Variants in PCDHA2 observed in about 807,000 individuals in gnomAD.
PCDHA2 encodes the protein protocadherin alpha 2.
In PCDHA2, 58 loss-of-function variants were observed where a neutral mutation model predicts 66.0. The observed-to-expected ratio is 0.88, with a 90% CI of 0.71 to 1.09. The LOEUF is 1.09. PCDHA2 is among the 50% of genes least tolerant of loss of function. The pLI is 0.00. For synonymous variants in PCDHA2, 634 were observed against 554.0 expected (o/e 1.14, Z -2.03); for missense variants, 1,267 against 1,242.3 (o/e 1.02, Z -0.30).
intron 1 of PCDHA2, chr5:140,817,577 T>G (rs1766160739): frequency 1.3e-5 from 2 of 152,348 alleles, no homozygotes; most frequent in South Asian, 2.1e-4. Context: ...ATTAAATCAA[T>G]AATTTTAATA....
chr5:140,970,227 A>T (rs186622858), intron 1 of PCDHA2, among the ~76,000 whole-genome samples: 190 of 152,300 alleles, frequency 1.2e-3, no homozygotes, highest in African/African-American at 4.2e-3. Flanking sequence ...GCAGCCTGTA[A>T]TCTTCTGATT....
At chr5:140,802,830 C>T in intron 1 of PCDHA2, 3 of 1,613,688 alleles carry the variant, frequency 1.9e-6, no homozygotes, top group Non-Finnish European at 2.5e-6. Flanking sequence ...CGTGCCGCCT[C>T]TGGGCAGCAA....
At chr5:140,910,276 A>G (rs1461426502) in intron 1 of PCDHA2, among the ~76,000 whole-genome samples, 2 of 152,124 alleles carry the variant, frequency 1.3e-5, no homozygotes, top group African/African-American at 4.8e-5. Flanking sequence ...ACTTCTAGGA[A>G]CACCATGATT....
chr5:140,798,502 T>C (rs1762331557), intron 1 of PCDHA2, among the ~76,000 whole-genome samples: 1 of 152,212 alleles, frequency 6.6e-6, no homozygotes, highest in Non-Finnish European at 1.5e-5. Context: ...CCAGTCTTTA[T>C]GTTAATGGTT....
chr5:141,001,089 C>G (rs972790418), intron 3 of PCDHA2, among the ~76,000 whole-genome samples: 2 of 152,042 alleles, frequency 1.3e-5, no homozygotes, highest in Admixed American at 1.3e-4. Flanking sequence ...ACCCCATAAA[C>G]TGTCTAATCC....
Position 140,872,661 on chromosome 5 carries a change from T to G in PCDHA2, c.2388+75309T>G, listed in dbSNP as rs544432969. Among the ~76,000 whole-genome samples the G allele has an allele frequency of 2.0e-5, 3 of 152,284 alleles. No individual in the cohort carries two copies. In the East Asian group the frequency reaches 5.8e-4, roughly 29 times the overall value. ...ATGAAAAGGCAAGAGATTTGTCAAC[T>G]ATTGGATACTCAAACAAAATGGCAT... On this transcript the variant is annotated intron_variant, in intron 1 of 3. Transcript: ENST00000526136.
chr5:140,870,198 C>G, intron 1 of PCDHA2: 1 of 1,614,172 alleles, frequency 6.2e-7, no homozygotes, highest in Non-Finnish European at 8.5e-7. Context: ...CTCAGCCCAG[C>G]ACGGTCATTG....
intron 1 of PCDHA2, chr5:140,828,686 T>A: frequency 6.2e-7 from 1 of 1,614,164 alleles, no homozygotes; most frequent in Non-Finnish European, 8.5e-7. Context: ...ATTAAAGAAA[T>A]CCTTGGACAG....
At chr5:140,840,778 A>T (rs1277652633) in intron 1 of PCDHA2, among the ~76,000 whole-genome samples, 2 of 152,094 alleles carry the variant, frequency 1.3e-5, no homozygotes, top group Non-Finnish European at 2.9e-5. Context: ...GAAAAGTTAG[A>T]ATTATATGCT....
intron 1 of PCDHA2, chr5:140,807,742 T>A (rs1554124240): frequency 8.1e-6 from 13 of 1,614,190 alleles, no homozygotes; most frequent in Non-Finnish European, 1.0e-5. Context: ...AACCACCTGA[T>A]GACGAGCTGG....
rs112291126 is a variant in PCDHA2 at position 140,807,661 on chromosome 5, G to A, written c.2388+10309G>A. 2.1e-3 allele frequency: 3,418 copies of A among 1,614,194 alleles called. 54 individuals carry two copies. The African/African-American group carries it at 0.039, about 19-fold the overall frequency. On this transcript the variant is annotated intron_variant, in intron 1 of 3. Transcript: ENST00000526136. ...CTCGGTTTCCACTAGAGGGCGCCTCGGATGCAGATATCGGGGAGAACGCCC... is the reference window on the plus strand; with the variant it reads ...CTCGGTTTCCACTAGAGGGCGCCTCAGATGCAGATATCGGGGAGAACGCCC...
intron 1 of PCDHA2, among the ~76,000 whole-genome samples, chr5:140,921,809 C>CA (rs1184598188): frequency 6.6e-6 from 1 of 151,940 alleles, no homozygotes; most frequent in Non-Finnish European, 1.5e-5. Context: ...AGATAAGATA[C>CA]ATGTGTGAAT....
At chr5:140,804,435 G>A (rs1315847720) in intron 1 of PCDHA2, 3 of 152,046 alleles carry the variant, frequency 2.0e-5, no homozygotes, top group African/African-American at 4.8e-5. Context: ...TTAAAAGAAT[G>A]TTTTAAATCT....
In PCDHA2 at chr5:140,917,874, C is replaced by A. The variant is rs1240832097; in HGVS notation, c.2389-61075C>A. Among the ~76,000 whole-genome samples, 13 of 151,108 alleles carry A rather than the reference C, an allele frequency of 8.6e-5. No individual in the cohort carries two copies. In the East Asian group the frequency reaches 2.5e-3, roughly 29 times the overall value. ...CTTAGGATTGCTTTGACTATTTGGG[C>A]TCTTTTTTTTTTCCATATGAATGTT... On this transcript the variant is annotated intron_variant, in intron 1 of 3. Transcript: ENST00000526136.
intron 3 of PCDHA2, among the ~76,000 whole-genome samples, chr5:141,000,771 G>A (rs1318485268): frequency 2.0e-5 from 3 of 151,790 alleles, no homozygotes; most frequent in Non-Finnish European, 4.4e-5. Context: ...GCCAGGCATA[G>A]TGGCGCACAC....
At chr5:140,859,201 G>A (rs1356259348) in intron 1 of PCDHA2, 1 of 149,574 alleles carries the variant, frequency 6.7e-6, no homozygotes. Flanking sequence ...ATGATATTCA[G>A]GTATTAGCTC....
rs543675270 is a variant in PCDHA2 at position 140,877,484 on chromosome 5, A to G, written c.2388+80132A>G. 2.3e-5 allele frequency: 37 copies of G among 1,613,814 alleles called. No individual in the cohort carries two copies. The highest frequency in any genetic ancestry group is 3.1e-5 in the Non-Finnish European group (36 of 1,179,856). On this transcript the variant is annotated intron_variant, in intron 1 of 3. Transcript: ENST00000526136. ...GCCACGGTGCTGGTGTCGCTGGTGG[A>G]GAACGGCCAGGCCCCAAAGACGTCG...
chr5:140,938,904 C>A (rs1254151220), intron 1 of PCDHA2, among the ~76,000 whole-genome samples: 1 of 152,070 alleles, frequency 6.6e-6, no homozygotes, highest in Admixed American at 6.5e-5. Context: ...TGCGCACACA[C>A]ACACACGCAC....
At chr5:140,926,964 C>T (rs149218057) in intron 1 of PCDHA2, 1 of 1,606,346 alleles carries the variant, frequency 6.2e-7, no homozygotes, top group Non-Finnish European at 8.5e-7. Flanking sequence ...AGCTCGAGTA[C>T]TCAGTGCCGG....
Sources: gnomAD v4.1 joint callset for allele counts (sites outside exome capture counted in the v4.1 genomes callset) on GRCh38, gnomAD v4.1.1 for gene constraint, MANE v1.5 for transcripts, NCBI Gene and HGNC (gene_info 2026-07-23, HGNC 2026-07-21) for gene names.